The following DCC variants were observed in gnomAD, a reference collection of about 807,000 sequenced individuals.
The protein encoded by DCC is DCC netrin 1 receptor.
DCC carries 58 observed loss-of-function variants against 172.5 expected under a neutral mutation model. The ratio of observed to expected loss-of-function variants is 0.34; its 90% CI spans 0.27 to 0.42. The LOEUF is 0.42. Among genes scored for constraint, DCC ranks in the 10% least tolerant of loss-of-function variants. DCC has a pLI of 1.00. For synonymous variants in DCC, 709 were observed against 644.5 expected (o/e 1.10, Z -1.52); for missense variants, 1,740 against 1,791.0 (o/e 0.97, Z 0.51).
At chr18:53,356,229 T>TCTCTC (rs1171425477) in intron 15 of DCC, among the ~76,000 whole-genome samples, 6 of 151,990 alleles carry the variant, frequency 3.9e-5, no homozygotes, top group Admixed American at 3.9e-4. Context: ...TACCACTCAG[T>TCTCTC]CTCTCCTCTA....
intron 15 of DCC, among the ~76,000 whole-genome samples, chr18:53,354,566 G>A (rs957972895): frequency 1.8e-4 from 27 of 152,082 alleles, no homozygotes; most frequent in African/African-American, 6.3e-4. Context: ...GTCTTCTTTT[G>A]AGAAGTGTCT....
At chr18:53,070,997 C>T (rs1003825168) in intron 7 of DCC, among the ~76,000 whole-genome samples, 12 of 152,152 alleles carry the variant, frequency 7.9e-5, no homozygotes, top group Non-Finnish European at 4.4e-5. Context: ...TGACAATAAA[C>T]GGTCACCATA....
At chr18:52,415,112 A>G (rs770066531) in intron 1 of DCC, among the ~76,000 whole-genome samples, 2 of 152,230 alleles carry the variant, frequency 1.3e-5, no homozygotes, top group Non-Finnish European at 2.9e-5. Flanking sequence ...ATCATTGTAC[A>G]GATTTAAAAA....
intron 5 of DCC, among the ~76,000 whole-genome samples, chr18:52,979,334 G>C (rs2041170191): frequency 6.6e-6 from 1 of 152,114 alleles, no homozygotes; most frequent in Non-Finnish European, 1.5e-5. Context: ...GGAAATAACA[G>C]CATTTAGGAG....
intron 1 of DCC, among the ~76,000 whole-genome samples, chr18:52,351,066 G>A (rs1984099861): frequency 6.6e-6 from 1 of 152,168 alleles, no homozygotes; most frequent in Admixed American, 6.5e-5. Flanking sequence ...TCAGACAGCA[G>A]ATCAGAGACA....
intron 7 of DCC, among the ~76,000 whole-genome samples, chr18:53,091,809 A>C (rs1425298498): frequency 7.7e-6 from 1 of 130,386 alleles, no homozygotes; most frequent in Non-Finnish European, 1.6e-5. Context: ...TACACTGTAC[A>C]TATATCTATC....
At chr18:53,365,780 G>A (rs1304280563) in intron 15 of DCC, among the ~76,000 whole-genome samples, 1 of 152,192 alleles carries the variant, frequency 6.6e-6, no homozygotes, top group Non-Finnish European at 1.5e-5. Flanking sequence ...CAAAAAGGCT[G>A]AGAGAACAGT....
chr18:52,647,779 A>G (rs976594139), intron 1 of DCC, among the ~76,000 whole-genome samples: 1 of 152,230 alleles, frequency 6.6e-6, no homozygotes, highest in Non-Finnish European at 1.5e-5. Flanking sequence ...TTTAGTCACT[A>G]ACTTATTCAG....
At chr18:52,417,376 C>A (rs1159830383) in intron 1 of DCC, among the ~76,000 whole-genome samples, 1 of 152,010 alleles carries the variant, frequency 6.6e-6, no homozygotes, top group African/African-American at 2.4e-5. Context: ...CGAGGAGTAT[C>A]TTTGTGGCAT....
intron 2 of DCC, among the ~76,000 whole-genome samples, chr18:52,900,825 A>G (rs1420830093): frequency 1.3e-5 from 2 of 152,200 alleles, no homozygotes; most frequent in Admixed American, 1.3e-4. Context: ...TGAAGGTAGG[A>G]ACTTTGAAAT....
chr18:52,847,185 T>C lies in DCC; in HGVS notation c.413-58859T>C, dbSNP rs938143151. Among the ~76,000 whole-genome samples the C allele has an allele frequency of 5.3e-5, 8 of 152,366 alleles. No homozygotes were observed. In the East Asian group the frequency reaches 1.5e-3, roughly 29 times the overall value. ...TCAATTTAGACTTGGTTTGAAAGTT[T>C]TGCTACTTAGCCATTTTCTTCTTGT... On this transcript the variant is annotated intron_variant, in intron 2 of 28. Transcript: ENST00000442544.
At chr18:52,967,909 C>G (rs1054381942) in intron 5 of DCC, among the ~76,000 whole-genome samples, 1 of 152,038 alleles carries the variant, frequency 6.6e-6, no homozygotes, top group Non-Finnish European at 1.5e-5. Flanking sequence ...TAATATATGC[C>G]TATGTAGTTA....
At chr18:53,337,244 C>T (rs958105896) in intron 14 of DCC, among the ~76,000 whole-genome samples, 4 of 152,318 alleles carry the variant, frequency 2.6e-5, no homozygotes, top group Non-Finnish European at 4.4e-5. Context: ...TCATTAAAAT[C>T]ATTATGATTT....
chr18:53,454,147 A>C (rs2045452890), intron 23 of DCC, among the ~76,000 whole-genome samples: 1 of 152,214 alleles, frequency 6.6e-6, no homozygotes, highest in Non-Finnish European at 1.5e-5. Flanking sequence ...CAGGAGTTTG[A>C]GACCAGCCTG....
rs2057327258 is a variant in DCC, at chr18:53,315,055, CT to C, written c.2054-6991del. 2.0e-5 allele frequency among the ~76,000 whole-genome samples: 3 copies of C among 152,152 alleles called. No individual in the cohort carries two copies. In the South Asian group the frequency reaches 6.2e-4, roughly 32 times the overall value. On this transcript the variant is annotated intron_variant, in intron 13 of 28. Coordinates refer to ENST00000442544, the MANE Select transcript of DCC (RefSeq NM_005215.4). ...GGTATACACATGCCGTGGTGGTTTG[CT>C]GCACCCATTAACCCGTCATCTACAT...
intron 23 of DCC, among the ~76,000 whole-genome samples, chr18:53,455,522 T>C (rs2045472386): frequency 6.6e-6 from 1 of 152,208 alleles, no homozygotes; most frequent in African/African-American, 2.4e-5. Context: ...GGTAAACCAG[T>C]ACAGAACCAG....
intron 15 of DCC, among the ~76,000 whole-genome samples, chr18:53,359,581 T>G (rs2057921213): frequency 6.6e-6 from 1 of 152,150 alleles, no homozygotes; most frequent in Non-Finnish European, 1.5e-5. Context: ...GAGATATTAG[T>G]TACTCATTAT....
At position 52,923,817 on chromosome 18, in the gene DCC, A is replaced by C. The variant is rs1187513224; in HGVS notation, c.808A>C (p.Ser270Arg). 3 of 1,613,344 alleles carry C rather than the reference A, an allele frequency of 1.9e-6. No individual in the cohort carries two copies. Among genetic ancestry groups the C allele is most frequent in the Non-Finnish European group, 2.5e-6 (3 of 1,179,506 alleles). The change falls in exon 4 of 29, where the codon AGT becomes CGT. Residue 270 changes from serine (S) to arginine (R), a missense_variant. Ser to Arg is a moderately radical substitution (Grantham distance 110). This residue lies in a region of DCC where 1,732 missense variants were observed against 1,767.4 expected (regional missense o/e 0.98). Coordinates refer to ENST00000442544, the MANE Select transcript of DCC (RefSeq NM_005215.4). Reference sequence around the variant, plus strand: ...TTGTGTTTCTGGCTATCCTCCACCAAGTTTTACCTGGTTACGAGGCGAGGA... The same window carrying C: ...TTGTGTTTCTGGCTATCCTCCACCACGTTTTACCTGGTTACGAGGCGAGGA... ...ECCVSGYPPP[S>R]FTWLRGEEVI...
At chr18:53,019,759 C>T (rs890045714) in intron 5 of DCC, among the ~76,000 whole-genome samples, 1 of 152,108 alleles carries the variant, frequency 6.6e-6, no homozygotes, top group South Asian at 2.1e-4. Context: ...TATTGAATTA[C>T]AGCTAGGGTC....
Sources: allele counts gnomAD v4.1 joint callset (sites outside exome capture counted in the v4.1 genomes callset), GRCh38; gene constraint gnomAD v4.1.1; regional missense constraint gnomAD v4.1.1; transcripts MANE v1.5; gene names NCBI Gene and HGNC (gene_info 2026-07-23, HGNC 2026-07-21).